DIAPH2: variants seen among roughly 807,000 people sequenced by gnomAD.
DIAPH2 encodes protein diaphanous homolog 2.
Under a neutral mutation model 92.7 loss-of-function variants are expected in DIAPH2, and 35 were observed. The observed-to-expected ratio is 0.38, with a 90% CI of 0.29 to 0.50. The LOEUF (loss-of-function observed/expected upper bound fraction) is 0.50. Ranked by LOEUF, DIAPH2 falls within the 20% of genes least tolerant of loss-of-function variation. DIAPH2 has a pLI of 0.94. For synonymous variants in DIAPH2, 301 were observed against 280.4 expected, an observed-to-expected ratio of 1.07 and a Z score of -0.73; for missense variants, 701 against 819.5, an observed-to-expected ratio of 0.86 and a Z score of 1.77.
chrX:96,850,248 A>G (rs776219376), intron 4 of DIAPH2, among the ~76,000 whole-genome samples: 106 of 111,909 alleles, frequency 9.5e-4, no homozygotes, highest in Non-Finnish European at 1.3e-3. Context: ...TTGTCTTTAT[A>G]TTTAGTATAG....
chrX:97,030,081 C>T (rs188830727), intron 17 of DIAPH2, among the ~76,000 whole-genome samples: 3 of 111,485 alleles, frequency 2.7e-5, no homozygotes, highest in East Asian at 2.8e-4. Flanking sequence ...GAAAAATATT[C>T]ACAGAGTCAC....
At chrX:97,043,141 G>A (rs1028438681) in intron 17 of DIAPH2, among the ~76,000 whole-genome samples, 3 of 111,840 alleles carry the variant, frequency 2.7e-5, no homozygotes, top group Middle Eastern at 4.2e-3. Context: ...TATCAAGTGA[G>A]TGAATACCTT....
intron 16 of DIAPH2, among the ~76,000 whole-genome samples, chrX:96,962,378 T>TATATATAC (rs1440753960): frequency 1.6e-5 from 1 of 64,144 alleles, no homozygotes; most frequent in African/African-American, 6.8e-5. Context: ...CATATATATA[T>TATATATAC]ACACATATAT....
At chrX:96,944,182 A>T (rs2065723849) in intron 13 of DIAPH2, among the ~76,000 whole-genome samples, 1 of 111,763 alleles carries the variant, frequency 8.9e-6, no homozygotes, top group Non-Finnish European at 1.9e-5. Context: ...TATCTTTCAT[A>T]AATCAGATCG....
At chrX:97,270,144 G>T (rs943476886) in intron 23 of DIAPH2, among the ~76,000 whole-genome samples, 4 of 110,798 alleles carry the variant, frequency 3.6e-5, no homozygotes, top group East Asian at 2.8e-4. Flanking sequence ...GGTCAGGCTG[G>T]TCTTGAACTC....
At chrX:96,824,436 G>A (rs1464687559) in intron 4 of DIAPH2, among the ~76,000 whole-genome samples, 2 of 109,364 alleles carry the variant, frequency 1.8e-5, no homozygotes, top group Non-Finnish European at 3.8e-5. Flanking sequence ...TCTGCTCTTC[G>A]TATTACAAGT....
chrX:96,858,748 A>C (rs2065055244), intron 4 of DIAPH2, among the ~76,000 whole-genome samples: 1 of 111,847 alleles, frequency 8.9e-6, no homozygotes, highest in African/African-American at 3.3e-5. Context: ...AACTATTTTG[A>C]GTTCCCTTGT....
At chrX:97,120,173 G>T (rs890360784) in intron 21 of DIAPH2, among the ~76,000 whole-genome samples, 1 of 110,935 alleles carries the variant, frequency 9.0e-6, no homozygotes, top group African/African-American at 3.3e-5. Context: ...ATGGTGCCAG[G>T]CAGGAATAGC....
At chrX:97,108,410 T>G (rs1335161576) in intron 20 of DIAPH2, among the ~76,000 whole-genome samples, 1 of 112,330 alleles carries the variant, frequency 8.9e-6, no homozygotes, top group Non-Finnish European at 1.9e-5. Flanking sequence ...TTTTATTTAC[T>G]TATATCACTT....
intron 4 of DIAPH2, among the ~76,000 whole-genome samples, chrX:96,858,879 C>T (rs1002840914): frequency 5.0e-4 from 56 of 111,835 alleles, no homozygotes; most frequent in African/African-American, 1.8e-3. Flanking sequence ...CTCTCTGCTT[C>T]TTTTAACTGA....
At chrX:96,898,581 T>G (rs1166635980) in intron 5 of DIAPH2, among the ~76,000 whole-genome samples, 5 of 106,154 alleles carry the variant, frequency 4.7e-5, no homozygotes, top group Non-Finnish European at 9.8e-5. Flanking sequence ...TTGTTTGTTT[T>G]TTTTCTTGTA....
At chrX:97,300,351 C>G (rs1340450749) in intron 23 of DIAPH2, among the ~76,000 whole-genome samples, 1 of 111,426 alleles carries the variant, frequency 9.0e-6, no homozygotes, top group African/African-American at 3.3e-5. Context: ...GTCCCTGGAC[C>G]TCTTGTGAGA....
chrX:97,035,728 A>G (rs2066406036), intron 17 of DIAPH2, among the ~76,000 whole-genome samples: 1 of 111,467 alleles, frequency 9.0e-6, no homozygotes, highest in African/African-American at 3.3e-5. Context: ...ATGGATTTCG[A>G]CTGGACATGG....
chrX:97,257,210 A>G (rs971520310), intron 23 of DIAPH2, among the ~76,000 whole-genome samples: 1 of 111,772 alleles, frequency 8.9e-6, no homozygotes, highest in African/African-American at 3.3e-5. Context: ...TATACCTAGT[A>G]AGACATATAT....
intron 23 of DIAPH2, among the ~76,000 whole-genome samples, chrX:97,312,905 G>A (rs1056665069): frequency 5.4e-5 from 6 of 110,698 alleles, no homozygotes; most frequent in African/African-American, 1.3e-4. Flanking sequence ...TTGGCTGGGC[G>A]CGGTGGCTCA....
intron 17 of DIAPH2, among the ~76,000 whole-genome samples, chrX:97,055,065 G>A (rs952380110): frequency 9.7e-6 from 1 of 103,141 alleles, no homozygotes; most frequent in Admixed American, 1.0e-4. Context: ...GTCTTATTCC[G>A]TCACCCAGGC....
chrX:97,152,949 A>G (rs2067295846), intron 22 of DIAPH2, among the ~76,000 whole-genome samples: 1 of 112,149 alleles, frequency 8.9e-6, no homozygotes, highest in South Asian at 3.7e-4. Context: ...AATCTGAAAG[A>G]TGTATTCACT....
intron 23 of DIAPH2, among the ~76,000 whole-genome samples, chrX:97,292,806 C>G (rs1264790860): frequency 9.0e-6 from 1 of 111,706 alleles, no homozygotes; most frequent in South Asian, 3.7e-4. Flanking sequence ...ATGCTATTTT[C>G]ACATTATATT....
intron 4 of DIAPH2, among the ~76,000 whole-genome samples, chrX:96,829,161 A>G (rs1482544106): frequency 4.5e-5 from 5 of 111,574 alleles, no homozygotes; most frequent in African/African-American, 1.6e-4. Context: ...TTAGTCTGAT[A>G]AAACTATATA....
Sources: gnomAD v4.1 joint callset for allele counts (sites outside exome capture counted in the v4.1 genomes callset) on GRCh38, gnomAD v4.1.1 for gene constraint, MANE v1.5 for transcripts, NCBI Gene and HGNC (gene_info 2026-07-23, HGNC 2026-07-21) for gene names.